Variants in NCKAP5 observed in about 807,000 individuals in gnomAD.
NCKAP5 encodes the protein nck-associated protein 5.
In NCKAP5, 92 loss-of-function variants were observed where a neutral mutation model predicts 167.0. That is an observed-to-expected ratio of 0.55 (90% CI 0.47 to 0.66). The LOEUF (loss-of-function observed/expected upper bound fraction) is 0.66. Ranked by LOEUF, NCKAP5 falls within the 30% of genes least tolerant of loss-of-function variation. The pLI, the probability that NCKAP5 is intolerant of heterozygous loss-of-function variation, is 0.00. For synonymous variants in NCKAP5, 891 were observed against 877.4 expected, an observed-to-expected ratio of 1.02 and a Z score of -0.27; for missense variants, 2,378 against 2,315.0, an observed-to-expected ratio of 1.03 and a Z score of -0.56.
At chr2:133,438,120 A>G (rs889540668) in intron 3 of NCKAP5, among the ~76,000 whole-genome samples, 1 of 152,222 alleles carries the variant, frequency 6.6e-6, no homozygotes, top group South Asian at 2.1e-4. Flanking sequence ...ACCTAAGTCC[A>G]TACCTTGCCT....
intron 6 of NCKAP5, among the ~76,000 whole-genome samples, chr2:133,019,310 A>G (rs565427935): frequency 7.4e-4 from 112 of 152,292 alleles, no homozygotes; most frequent in African/African-American, 2.6e-3. Flanking sequence ...AGCGAAAATT[A>G]ATCAATAGGG....
chr2:132,694,630 T>C (rs887543597), intron 19 of NCKAP5, among the ~76,000 whole-genome samples: 1 of 152,208 alleles, frequency 6.6e-6, no homozygotes, highest in African/African-American at 2.4e-5. Flanking sequence ...TAGATATAAA[T>C]GGCTTCACTT....
At chr2:133,087,391 AT>A (rs574198746) in intron 6 of NCKAP5, among the ~76,000 whole-genome samples, 265 of 152,344 alleles carry the variant, frequency 1.7e-3, no homozygotes, top group African/African-American at 6.0e-3. Context: ...TAAAGGGAGA[AT>A]TTATTGATAA....
intron 6 of NCKAP5, among the ~76,000 whole-genome samples, chr2:133,042,042 A>G (rs1263259499): frequency 6.6e-6 from 1 of 152,142 alleles, no homozygotes; most frequent in Non-Finnish European, 1.5e-5. Flanking sequence ...TCCTATTTTT[A>G]TGACATACTT....
chr2:133,646,095 T>C, the NCKAP5 span, among the ~76,000 whole-genome samples: 1 of 151,990 alleles, frequency 6.6e-6, no homozygotes, highest in Admixed American at 6.6e-5. Flanking sequence ...TGTATGTGTA[T>C]AGGTATATAG....
intron 5 of NCKAP5, 25 bp from the exon 6 acceptor site, chr2:133,130,136 C>T (rs1304132531): frequency 1.3e-6 from 2 of 1,589,278 alleles, no homozygotes; most frequent in East Asian, 2.3e-5. Context: ...AAGGGGATGA[C>T]TTTTAGGAAG....
intron 8 of NCKAP5, among the ~76,000 whole-genome samples, chr2:132,905,324 A>G (rs530815178): frequency 6.6e-6 from 1 of 152,292 alleles, no homozygotes; most frequent in South Asian, 2.1e-4. Flanking sequence ...GATCCACCTT[A>G]TCTAAAACTG....
chr2:133,550,471 A>C (rs1222082483), intron 2 of NCKAP5, among the ~76,000 whole-genome samples: 1 of 151,516 alleles, frequency 6.6e-6, no homozygotes, highest in Non-Finnish European at 1.5e-5. Context: ...GTAATCCAGC[A>C]TATAAACAGA....
chr2:133,204,598 C>A (rs2085859436), intron 5 of NCKAP5, among the ~76,000 whole-genome samples: 1 of 152,106 alleles, frequency 6.6e-6, no homozygotes, highest in African/African-American at 2.4e-5. Context: ...AAGAGTAAAT[C>A]TTTATATGAG....
At chr2:132,771,585 C>A (rs1166329411) in intron 16 of NCKAP5, among the ~76,000 whole-genome samples, 1 of 152,048 alleles carries the variant, frequency 6.6e-6, no homozygotes, top group Non-Finnish European at 1.5e-5. Context: ...GCCCTCCATT[C>A]ACTCACCACT....
At chr2:133,041,719 T>C (rs539273235) in intron 6 of NCKAP5, among the ~76,000 whole-genome samples, 14 of 152,268 alleles carry the variant, frequency 9.2e-5, no homozygotes, top group South Asian at 4.1e-4. Context: ...GAAAGAATCA[T>C]CTTGATTAAA....
At chr2:133,262,104 ATG>A (rs1367953894) in intron 4 of NCKAP5, among the ~76,000 whole-genome samples, 3 of 152,194 alleles carry the variant, frequency 2.0e-5, no homozygotes, top group Non-Finnish European at 4.4e-5. Context: ...ATGCCCTAAT[ATG>A]TGTTAGATTT....
intron 6 of NCKAP5, among the ~76,000 whole-genome samples, chr2:133,084,199 G>A (rs747802796): frequency 1.3e-5 from 2 of 152,092 alleles, no homozygotes; most frequent in Admixed American, 6.6e-5. Flanking sequence ...AATGTGGCCA[G>A]GGAACCATGC....
Position 133,429,644 on chromosome 2 carries a change from A to G in NCKAP5, c.69+87814T>C, listed in dbSNP as rs533785292. 2.0e-5 allele frequency among the ~76,000 whole-genome samples: 3 copies of G among 152,018 alleles called. No individual in the cohort carries two copies. In the South Asian group the frequency reaches 6.2e-4, roughly 32 times the overall value. ...GCATCCATGTTGCTACAAGGGACAT[A>G]ATTTTATTTTTTATGGCTGCATAGT... is the stretch of plus-strand genomic sequence containing the variant. On this transcript the variant is annotated intron_variant, in intron 3 of 19. Transcript: ENST00000409261.
intron 3 of NCKAP5, among the ~76,000 whole-genome samples, chr2:133,321,695 TG>T (rs1682067732): frequency 6.6e-6 from 1 of 152,230 alleles, no homozygotes; most frequent in South Asian, 2.1e-4. Flanking sequence ...TGAGGCTGGC[TG>T]TTAAAAGTAC....
At chr2:132,944,293 C>T (rs879690290) in intron 8 of NCKAP5, among the ~76,000 whole-genome samples, 1 of 152,128 alleles carries the variant, frequency 6.6e-6, no homozygotes, top group South Asian at 2.1e-4. Context: ...TAGTGGGAGA[C>T]AGGCTGGAGA....
At chr2:132,995,898 C>T (rs1214390252) in intron 6 of NCKAP5, among the ~76,000 whole-genome samples, 3 of 150,886 alleles carry the variant, frequency 2.0e-5, no homozygotes, top group South Asian at 2.1e-4. Flanking sequence ...CGTTTGAACC[C>T]GGGAGGCAGA....
the NCKAP5 span, among the ~76,000 whole-genome samples, chr2:133,663,223 G>A: frequency 6.7e-6 from 1 of 148,730 alleles, no homozygotes; most frequent in South Asian, 2.1e-4. Context: ...CCGAGATTGC[G>A]CCACTGCAGT....
intron 2 of NCKAP5, among the ~76,000 whole-genome samples, chr2:133,542,717 C>T (rs369572869): frequency 1.1e-3 from 169 of 152,254 alleles, no homozygotes; most frequent in African/African-American, 3.7e-3. Flanking sequence ...CTATGTATTA[C>T]GTTCTTGTCA....
Sources: gnomAD v4.1 joint callset for allele counts (sites outside exome capture counted in the v4.1 genomes callset) on GRCh38, gnomAD v4.1.1 for gene constraint, MANE v1.5 for transcripts, NCBI Gene and HGNC (gene_info 2026-07-23, HGNC 2026-07-21) for gene names.